The following TXNDC9 variants were observed in gnomAD, a reference collection of about 807,000 sequenced individuals.
TXNDC9 encodes the protein thioredoxin domain-containing protein 9.
TXNDC9 carries 7 observed loss-of-function variants against 23.0 expected under a neutral mutation model. The observed-to-expected ratio is 0.30, with a 90% confidence interval of 0.17 to 0.57. The LOEUF (loss-of-function observed/expected upper bound fraction) is 0.57. Ranked by LOEUF, TXNDC9 falls within the 20% of genes least tolerant of loss-of-function variation. TXNDC9 has a pLI of 0.90. For missense variants in TXNDC9, 198 were observed against 252.6 expected, an observed-to-expected ratio of 0.78 and a Z score of 1.47; for synonymous variants, 72 against 90.6, an observed-to-expected ratio of 0.79 and a Z score of 1.17.
At chr2:99,320,693 G>C (rs1287667360) in intron 4 of TXNDC9, among the ~76,000 whole-genome samples, 1 of 152,150 alleles carries the variant, frequency 6.6e-6, no homozygotes, top group Non-Finnish European at 1.5e-5. Context: ...CTGTCGCTAC[G>C]TAAGAAAATG....
At chr2:99,313,297 C>T in the TXNDC9 span, among the ~76,000 whole-genome samples, 4 of 152,122 alleles carry the variant, frequency 2.6e-5, no homozygotes, top group African/African-American at 9.7e-5. Context: ...CTTGAGCTCT[C>T]GGCCTCAAGT....
chr2:99,312,329 C>G, the TXNDC9 span, among the ~76,000 whole-genome samples: 10 of 152,022 alleles, frequency 6.6e-5, no homozygotes, highest in East Asian at 1.9e-3. Flanking sequence ...AACCCCGTCC[C>G]TACTAAAAAT....
chr2:99,308,243 T>C, the TXNDC9 span, among the ~76,000 whole-genome samples: 1 of 152,020 alleles, frequency 6.6e-6, no homozygotes, highest in African/African-American at 2.4e-5. Context: ...CAGGGAAGAT[T>C]TGCCTGCCCA....
chr2:99,327,544 G>C lies in TXNDC9; in HGVS notation c.299C>G (p.Ser100Cys), dbSNP rs758477113. 2 of 1,608,016 alleles carry C rather than the reference G, an allele frequency of 1.2e-6. No homozygotes were observed. Among genetic ancestry groups the C allele is most frequent in the African/African-American group, 2.7e-5 (2 of 74,854 alleles). Residue 100 changes from serine to cysteine, a missense_variant, in exon 3 of 5, where the codon TCC becomes TGC. Physicochemically the swap from Ser to Cys is moderately radical, Grantham distance 112 (BLOSUM62 -1). Coordinates refer to ENST00000264255, the MANE Select transcript of TXNDC9 (RefSeq NM_005783.4). ...ENVVCHFYRD[S>C]TFRCKILDRH... ...ATGGAAACAAAGTTACCTGAATGTG[G>C]AGTCTCTGTAGAAATGGCAAACCAC... is the stretch of plus-strand genomic sequence containing the variant.
chr2:99,322,756 A>G, intron 3 of TXNDC9: 1 of 1,367,090 alleles, frequency 7.3e-7, no homozygotes, highest in Non-Finnish European at 9.5e-7. Flanking sequence ...ACCAGTAGTA[A>G]CTTTTTTATT....
chr2:99,330,378 A>G (rs779257327), intron 2 of TXNDC9, among the ~76,000 whole-genome samples: 3 of 150,020 alleles, frequency 2.0e-5, no homozygotes, highest in Non-Finnish European at 4.4e-5. Flanking sequence ...TGAAGACCCG[A>G]ACCTGTCCTG....
At chr2:99,320,084 T>G (rs1320490176) in intron 4 of TXNDC9, among the ~76,000 whole-genome samples, 1 of 152,226 alleles carries the variant, frequency 6.6e-6, no homozygotes, top group Non-Finnish European at 1.5e-5. Context: ...CACAGCTCAC[T>G]GCAACCTCCA....
intron 3 of TXNDC9, among the ~76,000 whole-genome samples, chr2:99,325,721 AC>A (rs1184792284): frequency 2.0e-5 from 3 of 152,132 alleles, no homozygotes; most frequent in African/African-American, 7.2e-5. Context: ...CATAAAAAAA[AC>A]AAGTGAGGCC....
intron 3 of TXNDC9, 166 bp from the exon 4 acceptor site, chr2:99,322,375 T>G: frequency 8.2e-7 from 1 of 1,220,858 alleles, no homozygotes; most frequent in Non-Finnish European, 1.1e-6. Context: ...GATCAGAGGT[T>G]AGCTGCCTGA....
chr2:99,309,281 G>T, the TXNDC9 span, among the ~76,000 whole-genome samples: 24 of 152,094 alleles, frequency 1.6e-4, no homozygotes, highest in South Asian at 4.4e-3. Context: ...GCTGAGGCAG[G>T]AGGATCACCT....
At chr2:99,331,646 A>G (rs926535436) in intron 2 of TXNDC9, among the ~76,000 whole-genome samples, 12 of 152,212 alleles carry the variant, frequency 7.9e-5, no homozygotes, top group African/African-American at 2.9e-4. Flanking sequence ...CACTTATAAA[A>G]GATTATTTCC....
chr2:99,324,944 C>G (rs1009090300), intron 3 of TXNDC9, among the ~76,000 whole-genome samples: 1 of 152,200 alleles, frequency 6.6e-6, no homozygotes, highest in Non-Finnish European at 1.5e-5. Flanking sequence ...TGGGTTTTCA[C>G]CATGTTGGCC....
chr2:99,334,259 G>A (rs1175173078), intron 1 of TXNDC9, among the ~76,000 whole-genome samples: 2 of 150,946 alleles, frequency 1.3e-5, no homozygotes, highest in African/African-American at 4.9e-5. Flanking sequence ...GCTGAAGTGG[G>A]AGGAGGATAC....
At chr2:99,316,856 A>G (rs2094190209), downstream of TXNDC9, among the ~76,000 whole-genome samples, 1 of 152,130 alleles carries the variant, frequency 6.6e-6, no homozygotes, top group Non-Finnish European at 1.5e-5. Context: ...TCCCGGGTTC[A>G]CGCCATTCTC....
At chr2:99,333,483 CAT>C (rs1290084137) in intron 1 of TXNDC9, among the ~76,000 whole-genome samples, 1 of 152,146 alleles carries the variant, frequency 6.6e-6, no homozygotes, top group Non-Finnish European at 1.5e-5. Context: ...TCTGATTTAG[CAT>C]ATGTTTTACT....
At chr2:99,319,936 A>G in intron 4 of TXNDC9, 137 bp from the exon 5 acceptor site, 1 of 602,056 alleles carries the variant, frequency 1.7e-6, no homozygotes, top group Admixed American at 3.3e-5. Flanking sequence ...GAAGAGGTAT[A>G]ATGCTTATAT....
intron 2 of TXNDC9, chr2:99,332,747 T>C (rs2094229015): frequency 5.3e-6 from 2 of 374,406 alleles, no homozygotes; most frequent in Non-Finnish European, 9.5e-6. Context: ...AATGACTCCC[T>C]AGCCCTCCAT....
intron 3 of TXNDC9, among the ~76,000 whole-genome samples, chr2:99,327,207 A>C (rs896091704): frequency 8.6e-5 from 13 of 151,850 alleles, no homozygotes; most frequent in Admixed American, 7.9e-4. Context: ...CCAGTAGCTG[A>C]GACTACAGGT....
the TXNDC9 span, among the ~76,000 whole-genome samples, chr2:99,312,025 G>T: frequency 2.6e-5 from 4 of 152,272 alleles, no homozygotes; most frequent in Admixed American, 2.6e-4. Flanking sequence ...GGATGAACCT[G>T]GGAGGCTGAG....
Sources: allele counts gnomAD v4.1 joint callset (sites outside exome capture counted in the v4.1 genomes callset), GRCh38; gene constraint gnomAD v4.1.1; transcripts MANE v1.5; gene names NCBI Gene and HGNC (gene_info 2026-07-23, HGNC 2026-07-21).